Variants in CAMKMT observed in about 807,000 individuals in gnomAD.
CAMKMT encodes calmodulin-lysine N-methyltransferase, also known as CaM KMT.
CAMKMT carries 53 observed loss-of-function variants against 48.0 expected under a neutral mutation model. The observed-to-expected ratio is 1.10, with a 90% CI of 0.89 to 1.39. The LOEUF (loss-of-function observed/expected upper bound fraction) is 1.39. Ranked by LOEUF, CAMKMT falls within the 40% of genes most tolerant of loss-of-function variation. CAMKMT has a pLI of 0.00. For missense variants in CAMKMT, 428 were observed against 402.7 expected (o/e 1.06, Z -0.54); for synonymous variants, 165 against 152.3 (o/e 1.08, Z -0.61).
chr2:44,481,139 A>G lies in CAMKMT; in HGVS notation c.376+90834A>G, dbSNP rs562604538. On this transcript the variant is annotated intron_variant, in intron 3 of 10. Transcript: ENST00000378494. ...TGGATGTGAAAGGAAACAGAATTAT[A>G]TAAGCAAAAAAGTTTGCTGGGAACC... Among the ~76,000 whole-genome samples the G allele has an allele frequency of 2.4e-4, 36 of 152,260 alleles. No individual in the cohort carries two copies. In the South Asian group the frequency reaches 6.8e-3, roughly 29 times the overall value.
chr2:44,464,701 CT>C (rs1156374172), intron 3 of CAMKMT, among the ~76,000 whole-genome samples: 2 of 152,232 alleles, frequency 1.3e-5, no homozygotes, highest in African/African-American at 4.8e-5. Flanking sequence ...AGAAAAAAAA[CT>C]GCCAATAATA....
chr2:44,399,398 G>A (rs1231968735), intron 3 of CAMKMT, among the ~76,000 whole-genome samples: 1 of 152,092 alleles, frequency 6.6e-6, no homozygotes, highest in Non-Finnish European at 1.5e-5. Context: ...TGTGTGGGAT[G>A]AAAACCACAA....
intron 3 of CAMKMT, among the ~76,000 whole-genome samples, chr2:44,461,351 C>T (rs1667840510): frequency 6.6e-6 from 1 of 151,984 alleles, no homozygotes; most frequent in Non-Finnish European, 1.5e-5. Flanking sequence ...AAAAAAACCT[C>T]TAAAGAAGGT....
intron 2 of CAMKMT, among the ~76,000 whole-genome samples, chr2:44,374,613 A>G: frequency 6.6e-6 from 1 of 152,242 alleles, no homozygotes; most frequent in Non-Finnish European, 1.5e-5. Context: ...TTTCAAAGCA[A>G]GTCATGGTTA....
chr2:44,378,046 C>T (rs754668187), intron 2 of CAMKMT, among the ~76,000 whole-genome samples: 5 of 152,158 alleles, frequency 3.3e-5, no homozygotes, highest in Non-Finnish European at 5.9e-5. Flanking sequence ...ACGAATACTG[C>T]ATCTATATTT....
At chr2:44,491,351 T>G (rs951371854) in intron 3 of CAMKMT, among the ~76,000 whole-genome samples, 2 of 152,174 alleles carry the variant, frequency 1.3e-5, no homozygotes, top group African/African-American at 4.8e-5. Flanking sequence ...GTTCTGCTTT[T>G]AATTATCATA....
At chr2:44,497,785 G>A (rs1034016113) in intron 3 of CAMKMT, among the ~76,000 whole-genome samples, 4 of 151,038 alleles carry the variant, frequency 2.6e-5, no homozygotes, top group African/African-American at 9.7e-5. Context: ...AGAAGAGCAA[G>A]AAAGGCAAAG....
chr2:44,603,109 G>C (rs1281670412), intron 3 of CAMKMT, among the ~76,000 whole-genome samples: 1 of 151,792 alleles, frequency 6.6e-6, no homozygotes, highest in African/African-American at 2.4e-5. Context: ...TGTTTTTTGA[G>C]ACAGAGACTT....
intron 7 of CAMKMT, among the ~76,000 whole-genome samples, chr2:44,724,716 G>T (rs892793748): frequency 6.6e-6 from 1 of 152,188 alleles, no homozygotes; most frequent in Admixed American, 6.5e-5. Context: ...TCTTAGTGAA[G>T]ATGTGACCTC....
intron 3 of CAMKMT, among the ~76,000 whole-genome samples, chr2:44,461,775 C>T (rs1459616562): frequency 6.6e-6 from 1 of 152,044 alleles, no homozygotes; most frequent in Non-Finnish European, 1.5e-5. Context: ...TAGTATATGC[C>T]TTATATGTAC....
At chr2:44,399,272 A>G (rs1254778946) in intron 3 of CAMKMT, among the ~76,000 whole-genome samples, 4 of 152,220 alleles carry the variant, frequency 2.6e-5, no homozygotes, top group Non-Finnish European at 5.9e-5. Context: ...AGTCAAACAC[A>G]GACAAATAAT....
chr2:44,633,771 A>G (rs1672972596), intron 3 of CAMKMT, among the ~76,000 whole-genome samples: 1 of 151,786 alleles, frequency 6.6e-6, no homozygotes, highest in African/African-American at 2.4e-5. Flanking sequence ...AGTTTCTTTT[A>G]TCATACTTTT....
intron 3 of CAMKMT, among the ~76,000 whole-genome samples, chr2:44,553,064 C>G (rs1667809057): frequency 1.3e-5 from 2 of 152,154 alleles, no homozygotes; most frequent in South Asian, 4.1e-4. Context: ...AAATTAAGTA[C>G]TAGATGTGTG....
chr2:44,461,413 T>C (rs1023358417), intron 3 of CAMKMT, among the ~76,000 whole-genome samples: 2 of 152,204 alleles, frequency 1.3e-5, no homozygotes, highest in South Asian at 2.1e-4. Context: ...AATAACTTGC[T>C]CAAAGTTATA....
chr2:44,596,749 C>T (rs1027475722), intron 3 of CAMKMT, among the ~76,000 whole-genome samples: 2 of 152,056 alleles, frequency 1.3e-5, no homozygotes, highest in South Asian at 2.1e-4. Context: ...ACCAGTGAAC[C>T]GTGGAAATCT....
chr2:44,693,603 C>G (rs755573325), intron 3 of CAMKMT, among the ~76,000 whole-genome samples: 1 of 152,186 alleles, frequency 6.6e-6, no homozygotes, highest in East Asian at 1.9e-4. Context: ...CCACAGGACC[C>G]GAAACATTGT....
intron 3 of CAMKMT, among the ~76,000 whole-genome samples, chr2:44,680,212 T>G (rs188527489): frequency 6.6e-6 from 1 of 152,210 alleles, no homozygotes; most frequent in Non-Finnish European, 1.5e-5. Context: ...CATTTCCTCC[T>G]GCAGTGTATG....
chr2:44,390,734 C>A (rs184895236), intron 3 of CAMKMT, among the ~76,000 whole-genome samples: 2 of 152,200 alleles, frequency 1.3e-5, no homozygotes, highest in East Asian at 1.9e-4. Context: ...GTAGAATAAA[C>A]CCAGAACATA....
chr2:44,367,156 C>G (rs1189563325), intron 1 of CAMKMT, among the ~76,000 whole-genome samples: 1 of 152,124 alleles, frequency 6.6e-6, no homozygotes, highest in African/African-American at 2.4e-5. Flanking sequence ...GTTAACTGTC[C>G]TTTTAACTGT....
Sources: gnomAD v4.1 joint callset for allele counts (sites outside exome capture counted in the v4.1 genomes callset) on GRCh38, gnomAD v4.1.1 for gene constraint, MANE v1.5 for transcripts, NCBI Gene and HGNC (gene_info 2026-07-23, HGNC 2026-07-21) for gene names.